Variants in PDE4D observed in about 807,000 individuals in gnomAD.
PDE4D encodes the protein phosphodiesterase 4D.
Under a neutral mutation model 87.4 loss-of-function variants are expected in PDE4D, and 24 were observed. The observed-to-expected ratio is 0.27, with a 90% CI of 0.20 to 0.39. The LOEUF is 0.39. PDE4D is among the 10% of genes least tolerant of loss of function. The pLI is 1.00. For missense variants in PDE4D, 714 were observed against 1,041.0 expected (o/e 0.69, Z 4.32); for synonymous variants, 384 against 383.2 (o/e 1.00, Z -0.02).
chr5:59,611,717 TC>T (rs1829030673), intron 1 of PDE4D, among the ~76,000 whole-genome samples: 1 of 152,178 alleles, frequency 6.6e-6, no homozygotes, highest in Non-Finnish European at 1.5e-5. Flanking sequence ...TAGCTTATTG[TC>T]CCAATCTCAC....
chr5:59,109,060 G>A (rs1478910098), intron 5 of PDE4D, among the ~76,000 whole-genome samples: 1 of 150,990 alleles, frequency 6.6e-6, no homozygotes, highest in Non-Finnish European at 1.5e-5. Context: ...CCCTATGCGT[G>A]ATACATTCTC....
intron 1 of PDE4D, among the ~76,000 whole-genome samples, chr5:60,421,945 T>G (rs915165555): frequency 6.6e-6 from 1 of 152,194 alleles, no homozygotes; most frequent in African/African-American, 2.4e-5. Flanking sequence ...AGGATATCAC[T>G]GACTGAAGAT....
At chr5:60,180,023 A>G (rs1181208411) in intron 2 of PDE4D, among the ~76,000 whole-genome samples, 1 of 152,200 alleles carries the variant, frequency 6.6e-6, no homozygotes, top group Non-Finnish European at 1.5e-5. Context: ...TGGTAAGTAC[A>G]ATATATGCAA....
chr5:60,441,237 A>T (rs897024174), intron 1 of PDE4D, among the ~76,000 whole-genome samples: 3 of 152,170 alleles, frequency 2.0e-5, no homozygotes, highest in African/African-American at 7.2e-5. Flanking sequence ...GCACCAAAAC[A>T]GATATATAGA....
At chr5:59,751,878 T>C (rs958763447) in intron 1 of PDE4D, among the ~76,000 whole-genome samples, 5 of 152,080 alleles carry the variant, frequency 3.3e-5, no homozygotes, top group Middle Eastern at 3.2e-3. Context: ...CCCTCTCTCT[T>C]TGTGAAATGT....
chr5:59,061,722 TAG>T (rs1182231168), intron 5 of PDE4D, among the ~76,000 whole-genome samples: 1 of 152,034 alleles, frequency 6.6e-6, no homozygotes, highest in Non-Finnish European at 1.5e-5. Flanking sequence ...TATACTTGGG[TAG>T]AGAGGGATAG....
chr5:60,163,587 TATC>T (rs1458494530), intron 2 of PDE4D, among the ~76,000 whole-genome samples: 1 of 152,176 alleles, frequency 6.6e-6, no homozygotes, highest in Non-Finnish European at 1.5e-5. Context: ...TTCCGATGAT[TATC>T]ATACTTGTGC....
At chr5:59,406,580 G>C (rs922766405) in intron 1 of PDE4D, among the ~76,000 whole-genome samples, 1 of 151,950 alleles carries the variant, frequency 6.6e-6, no homozygotes, top group African/African-American at 2.4e-5. Flanking sequence ...AGTAGAGATG[G>C]GATTTCACCG....
At chr5:58,998,385 G>A (rs913020658) in intron 6 of PDE4D, among the ~76,000 whole-genome samples, 2 of 151,938 alleles carry the variant, frequency 1.3e-5, no homozygotes, top group East Asian at 1.9e-4. Context: ...GAATTCTGGC[G>A]GATAATGAGG....
intron 1 of PDE4D, among the ~76,000 whole-genome samples, chr5:59,810,320 C>A (rs1768208346): frequency 6.6e-6 from 1 of 152,184 alleles, no homozygotes; most frequent in Non-Finnish European, 1.5e-5. Context: ...TATACAGTTG[C>A]TGACAGTCCT....
rs796536740 is a variant in PDE4D at position 59,946,359 on chromosome 5, T to C, written c.272+42129A>G. On this transcript the variant is annotated intron_variant, in intron 3 of 16. Transcript: ENST00000502484. ...AAAACTCAGACCCCAAAACTTCCCATGTTCAGCAATTATTACAGGGAGGTC... is the reference window on the plus strand; with the variant it reads ...AAAACTCAGACCCCAAAACTTCCCACGTTCAGCAATTATTACAGGGAGGTC... 5.9e-5 allele frequency among the ~76,000 whole-genome samples: 9 copies of C among 152,300 alleles called. 1 individual carries two copies. Among genetic ancestry groups the C allele is most frequent in the African/African-American group, 2.2e-4 (9 of 41,568 alleles).
intron 2 of PDE4D, among the ~76,000 whole-genome samples, chr5:60,175,835 T>G (rs547397936): frequency 6.6e-6 from 1 of 152,196 alleles, no homozygotes; most frequent in Non-Finnish European, 1.5e-5. Flanking sequence ...TCCTGCAACT[T>G]TCTCCAATTG....
At chr5:59,560,577 A>C (rs1819805274) in intron 1 of PDE4D, among the ~76,000 whole-genome samples, 1 of 152,180 alleles carries the variant, frequency 6.6e-6, no homozygotes, top group African/African-American at 2.4e-5. Flanking sequence ...ACCTAGTAAG[A>C]ATTAGGTTCA....
rs1797349165 is a variant in PDE4D, at chr5:59,439,964, G to A, written c.456-223996C>T. On this transcript the variant is annotated intron_variant, in intron 1 of 14. Coordinates refer to ENST00000340635, the MANE Select transcript of PDE4D (RefSeq NM_001104631.2). ...CAATAGATATTAGCTGCCATCCTAA[G>A]ATGTAGCAAATCTGTCACCTGAGAA... Among the ~76,000 whole-genome samples, 3 of 152,302 alleles carry A rather than the reference G, an allele frequency of 2.0e-5. No homozygotes were observed. The South Asian group carries it at 6.2e-4, about 32-fold the overall frequency.
intron 1 of PDE4D, among the ~76,000 whole-genome samples, chr5:59,387,505 A>C (rs1368142338): frequency 3.9e-5 from 6 of 152,160 alleles, no homozygotes; most frequent in Non-Finnish European, 5.9e-5. Context: ...TTTCTCAATG[A>C]GAAAGAAAGA....
At chr5:58,988,709 T>C in intron 10 of PDE4D, 117 bp from the exon 11 acceptor site, 1 of 456,934 alleles carries the variant, frequency 2.2e-6, no homozygotes, top group Non-Finnish European at 3.8e-6. Flanking sequence ...CTTCAAAATG[T>C]GTTACAATGT....
chr5:59,843,035 G>T (rs995360501), intron 1 of PDE4D, among the ~76,000 whole-genome samples: 2 of 151,540 alleles, frequency 1.3e-5, no homozygotes, highest in African/African-American at 4.8e-5. Flanking sequence ...TATATTTTTT[G>T]CTCACATTTC....
chr5:60,088,501 C>T (rs1774774721), intron 2 of PDE4D, among the ~76,000 whole-genome samples: 1 of 151,676 alleles, frequency 6.6e-6, no homozygotes, highest in East Asian at 1.9e-4. Flanking sequence ...TAAATTGAAA[C>T]AGCAATAAGT....
intron 3 of PDE4D, among the ~76,000 whole-genome samples, chr5:59,919,187 C>T (rs1187252343): frequency 6.6e-6 from 1 of 152,118 alleles, no homozygotes; most frequent in Non-Finnish European, 1.5e-5. Flanking sequence ...ACTCCCCAAG[C>T]AGGTTGGTAA....
Sources: gnomAD v4.1 joint callset for allele counts (sites outside exome capture counted in the v4.1 genomes callset) on GRCh38, gnomAD v4.1.1 for gene constraint, MANE v1.5 for transcripts, NCBI Gene and HGNC (gene_info 2026-07-23, HGNC 2026-07-21) for gene names.